CDK8: variants seen among roughly 807,000 people sequenced by gnomAD.
CDK8 encodes the protein cyclin dependent kinase 8, also known as cyclin-dependent kinase 8.
Under a neutral mutation model 71.5 loss-of-function variants are expected in CDK8, and 29 were observed. The ratio of observed to expected loss-of-function variants is 0.41; its 90% CI spans 0.30 to 0.55. The LOEUF is 0.55. CDK8 is among the 20% of genes least tolerant of loss of function. The pLI is 0.37. For synonymous variants in CDK8, 161 were observed against 192.1 expected (o/e 0.84, Z 1.34); for missense variants, 288 against 572.6 (o/e 0.50, Z 5.07).
chr13:26,318,277 G>GATTGA (rs1348856060), intron 1 of CDK8, among the ~76,000 whole-genome samples: 5 of 151,888 alleles, frequency 3.3e-5, no homozygotes, highest in Admixed American at 2.0e-4. Context: ...CAACTAAGGA[G>GATTGA]ATTGAATCAG....
At chr13:26,321,338 A>G (rs952647249) in intron 1 of CDK8, among the ~76,000 whole-genome samples, 2 of 152,162 alleles carry the variant, frequency 1.3e-5, no homozygotes, top group Non-Finnish European at 2.9e-5. Flanking sequence ...AGTAATTAAG[A>G]TCATAGAGAC....
At chr13:26,348,973 T>C (rs764340965) in intron 2 of CDK8, 99 bp from the exon 3 acceptor site, 19 of 764,526 alleles carry the variant, frequency 2.5e-5, no homozygotes, top group Non-Finnish European at 4.2e-5. Flanking sequence ...TAAGATTGTT[T>C]ACCTGTGGGT....
At position 26,338,335 on chromosome 13, in the gene CDK8, C is replaced by T. The variant is rs115110004; in HGVS notation, c.204+693C>T. ...GCTCTCAGCCCTTCTATTATATTTA[C>T]CCATAATAGTCTATTATGACCTGGA... On this transcript the variant is annotated intron_variant, in intron 2 of 12. Coordinates refer to ENST00000381527, the MANE Select transcript of CDK8 (RefSeq NM_001260.3). 5.2e-3 allele frequency among the ~76,000 whole-genome samples: 792 copies of T among 152,072 alleles called. 4 individuals carry two copies. Among genetic ancestry groups the T allele is most frequent in the African/African-American group, 0.018 (765 of 41,504 alleles).
chr13:26,301,851 T>G (rs1273769001), intron 1 of CDK8, among the ~76,000 whole-genome samples: 2 of 152,196 alleles, frequency 1.3e-5, no homozygotes, highest in Admixed American at 1.3e-4. Context: ...GGCACCTAGT[T>G]TTTAAAATGT....
intron 7 of CDK8, among the ~76,000 whole-genome samples, chr13:26,395,846 A>G (rs1875968118): frequency 6.6e-6 from 1 of 152,194 alleles, no homozygotes; most frequent in South Asian, 2.1e-4. Context: ...TCATAAAAAG[A>G]AGTATAGTTT....
chr13:26,273,452 A>G (rs1018191619), intron 1 of CDK8, among the ~76,000 whole-genome samples: 1 of 152,146 alleles, frequency 6.6e-6, no homozygotes, highest in Non-Finnish European at 1.5e-5. Context: ...GTTCCAGGTA[A>G]TTAAAGTTTT....
chr13:26,394,273 C>A (rs1432700252), intron 7 of CDK8, among the ~76,000 whole-genome samples: 1 of 152,166 alleles, frequency 6.6e-6, no homozygotes, highest in Non-Finnish European at 1.5e-5. Flanking sequence ...AAACTCAAGA[C>A]TAATAGAGAT....
chr13:26,255,083 A>C (rs909266577), intron 1 of CDK8, among the ~76,000 whole-genome samples: 4 of 151,358 alleles, frequency 2.6e-5, no homozygotes, highest in Non-Finnish European at 4.4e-5. Flanking sequence ...GCCGGGTTAA[A>C]TGTTTTTTGT....
At chr13:26,381,754 CT>C (rs796452564) in intron 4 of CDK8, among the ~76,000 whole-genome samples, 141 of 143,726 alleles carry the variant, frequency 9.8e-4, no homozygotes, top group South Asian at 2.7e-3. Flanking sequence ...TCAGCAATAC[CT>C]TTTTTTTTTT....
At chr13:26,333,274 G>C (rs999381780) in intron 1 of CDK8, among the ~76,000 whole-genome samples, 1 of 151,858 alleles carries the variant, frequency 6.6e-6, no homozygotes, top group Non-Finnish European at 1.5e-5. Flanking sequence ...TGAGTAGCTG[G>C]GATTGCAGGT....
intron 1 of CDK8, among the ~76,000 whole-genome samples, chr13:26,317,211 A>C (rs1874549877): frequency 6.6e-6 from 1 of 152,168 alleles, no homozygotes. Flanking sequence ...TCCCAAATTA[A>C]ATCAAGAGAC....
chr13:26,259,861 A>C (rs1053527472), intron 1 of CDK8, among the ~76,000 whole-genome samples: 5 of 152,230 alleles, frequency 3.3e-5, no homozygotes, highest in Non-Finnish European at 7.3e-5. Flanking sequence ...AGACGAATGA[A>C]GTATTCCATT....
chr13:26,399,717 A>G (rs143062238), intron 9 of CDK8, among the ~76,000 whole-genome samples: 188 of 152,380 alleles, frequency 1.2e-3, no homozygotes, highest in African/African-American at 4.4e-3. Context: ...TAACTCATTT[A>G]ATCCTGAAAA....
intron 3 of CDK8, among the ~76,000 whole-genome samples, chr13:26,349,630 T>C (rs1393030167): frequency 6.6e-6 from 1 of 152,334 alleles, no homozygotes; most frequent in East Asian, 1.9e-4. Flanking sequence ...TTATTTGTCG[T>C]ATAGCATTAA....
chr13:26,360,875 T>TC (rs1257312123), intron 4 of CDK8, among the ~76,000 whole-genome samples: 1 of 152,080 alleles, frequency 6.6e-6, no homozygotes, highest in East Asian at 1.9e-4. Flanking sequence ...CACAAAAGCT[T>TC]CCCCCCATCC....
intron 1 of CDK8, among the ~76,000 whole-genome samples, chr13:26,265,816 A>G (rs1213269505): frequency 6.6e-6 from 1 of 152,222 alleles, no homozygotes; most frequent in Non-Finnish European, 1.5e-5. Context: ...TGGATTTTGT[A>G]CTTTCTTCCG....
chr13:26,286,896 A>T (rs559943837), intron 1 of CDK8, among the ~76,000 whole-genome samples: 17 of 152,374 alleles, frequency 1.1e-4, no homozygotes, highest in African/African-American at 4.1e-4. Flanking sequence ...AGACATATGA[A>T]AAAATGCTCA....
chr13:26,285,670 C>T (rs755672910), intron 1 of CDK8, among the ~76,000 whole-genome samples: 1 of 152,094 alleles, frequency 6.6e-6, no homozygotes, highest in African/African-American at 2.4e-5. Context: ...GGAAATAAAG[C>T]GGATCCACAT....
intron 3 of CDK8, among the ~76,000 whole-genome samples, chr13:26,353,035 A>AATT (rs1346383022): frequency 3.3e-5 from 5 of 152,202 alleles, no homozygotes; most frequent in Non-Finnish European, 7.3e-5. Flanking sequence ...CCTGCAATTT[A>AATT]AGAGTGATCT....
Sources: gnomAD v4.1 joint callset for allele counts (sites outside exome capture counted in the v4.1 genomes callset) on GRCh38, gnomAD v4.1.1 for gene constraint, MANE v1.5 for transcripts, NCBI Gene and HGNC (gene_info 2026-07-23, HGNC 2026-07-21) for gene names.